PPARG: variants seen among roughly 807,000 people sequenced by gnomAD.
PPARG encodes the protein peroxisome proliferator activated receptor gamma, also known as peroxisome proliferator-activated receptor gamma.
A neutral mutation model predicts 39.2 loss-of-function variants in PPARG; 17 were observed. That is an observed-to-expected ratio of 0.43 (90% CI 0.30 to 0.65). The LOEUF is 0.65. Among genes scored for constraint, PPARG ranks in the 30% least tolerant of loss-of-function variants. The pLI, the probability that PPARG is intolerant of heterozygous loss-of-function variation, is 0.13. For synonymous variants in PPARG, 223 were observed against 215.7 expected, an observed-to-expected ratio of 1.03 and a Z score of -0.30; for missense variants, 406 against 585.9, an observed-to-expected ratio of 0.69 and a Z score of 3.17.
intron 5 of PPARG, among the ~76,000 whole-genome samples, chr3:12,400,690 T>G (rs1041628462): frequency 2.0e-5 from 3 of 152,232 alleles, no homozygotes; most frequent in Admixed American, 1.3e-4. Context: ...TGTAATTTTT[T>G]TTGAGCCTCA....
rs1302451905 is a variant in PPARG, at chr3:12,434,086, A to G, written c.1369A>G (p.Thr457Ala). Residue 457 changes from threonine (T) to alanine (A), a missense_variant, in exon 8 of 8, where the codon ACG becomes GCG. Transcript: ENST00000651735. This position sits in a 1 kb window ranked among gnomAD's most constrained non-coding sequence, Gnocchi z 4.2. ...GCAGCTACTGCAGGTGATCAAGAAG[A>G]CGGAGACAGACATGAGTCTTCACCC... ...HVQLLQVIKK[T>A]ETDMSLHPLL... 1 of 1,614,164 alleles carries G rather than the reference A, an allele frequency of 6.2e-7. No homozygotes were observed. Among genetic ancestry groups the G allele is most frequent in the Non-Finnish European group, 8.5e-7 (1 of 1,180,010 alleles).
intron 4 of PPARG, among the ~76,000 whole-genome samples, chr3:12,391,746 A>G (rs2125211660): frequency 6.6e-6 from 1 of 152,348 alleles, no homozygotes; most frequent in Non-Finnish European, 1.5e-5. Flanking sequence ...ATGCATGTCA[A>G]TGACCAAAGC....
chr3:12,380,459 T>A (rs1442694440), intron 3 of PPARG, among the ~76,000 whole-genome samples: 1 of 152,184 alleles, frequency 6.6e-6, no homozygotes, highest in Admixed American at 6.5e-5. Context: ...ATTAACTAAA[T>A]CAACATCAAA....
chr3:12,297,285 T>G lies in PPARG; in HGVS notation c.-83+8151T>G, dbSNP rs2046811121. ...AGTAGGATAAAAAATGTGTGTGAACTATTGATTGGAACCTTACAAAAATGT... is the reference window on the plus strand; with the variant it reads ...AGTAGGATAAAAAATGTGTGTGAACGATTGATTGGAACCTTACAAAAATGT... On this transcript the variant is annotated intron_variant, in intron 1 of 7. Transcript: ENST00000651735. Among the ~76,000 whole-genome samples, 3 of 152,164 alleles carry G rather than the reference T, an allele frequency of 2.0e-5. No homozygotes were observed. The East Asian group carries it at 5.8e-4, about 29-fold the overall frequency.
Position 12,390,726 on chromosome 3 carries a change from G to A in PPARG, c.391-1888G>A, listed in dbSNP as rs932132915. ...TGCAATCATAACTTGGCTTACTGCA[G>A]TTAGACCTCCTGGGCTCATGTGATC... On this transcript the variant is annotated intron_variant, in intron 4 of 7. Transcript: ENST00000651735. 2.2e-5 allele frequency among the ~76,000 whole-genome samples: 3 copies of A among 139,512 alleles called. No homozygotes were observed. In the East Asian group the frequency reaches 6.5e-4, roughly 30 times the overall value. 91.5% of individuals were successfully genotyped at this position (139,512 alleles called of 152,430 possible). A position where few individuals can be genotyped will look rare whatever the true frequency, so the allele number is the denominator to read the frequency against.
chr3:12,351,648 A>T, intron 2 of PPARG: 1 of 1,611,092 alleles, frequency 6.2e-7, no homozygotes, highest in Non-Finnish European at 8.5e-7. Context: ...TCCTTCACTG[A>T]TACACTGTCT....
chr3:12,366,494 T>C (rs2049022381), intron 2 of PPARG, among the ~76,000 whole-genome samples: 1 of 152,268 alleles, frequency 6.6e-6, no homozygotes, highest in Admixed American at 6.5e-5. Context: ...AAAGCAGTAG[T>C]GAGAGAAGAT....
At chr3:12,393,305 GT>G (rs2050146877) in intron 5 of PPARG, among the ~76,000 whole-genome samples, 1 of 144,354 alleles carries the variant, frequency 6.9e-6, no homozygotes, top group Admixed American at 7.2e-5. Context: ...TATTTTTATA[GT>G]TCTGCAAAAC....
chr3:12,341,904 T>C (rs2048194101), intron 2 of PPARG, among the ~76,000 whole-genome samples: 1 of 152,170 alleles, frequency 6.6e-6, no homozygotes, highest in Admixed American at 6.5e-5. Context: ...CAGGAAAAGA[T>C]GATAAAGTTT....
intron 5 of PPARG, among the ~76,000 whole-genome samples, chr3:12,393,584 T>C (rs577918366): frequency 6.6e-6 from 1 of 152,312 alleles, no homozygotes; most frequent in East Asian, 1.9e-4. Flanking sequence ...GTATTATATG[T>C]GTCTAGTATT....
intron 7 of PPARG, among the ~76,000 whole-genome samples, chr3:12,428,510 G>A (rs1258397003): frequency 1.3e-5 from 2 of 152,236 alleles, no homozygotes; most frequent in Non-Finnish European, 2.9e-5. Context: ...ATCTCAGGTG[G>A]GCCTCCTGGC....
At chr3:12,332,929 G>A (rs759364393) in intron 2 of PPARG, among the ~76,000 whole-genome samples, 6 of 152,168 alleles carry the variant, frequency 3.9e-5, no homozygotes, top group Non-Finnish European at 8.8e-5. Context: ...AGCTACTTGG[G>A]AGGCTGAGGG....
At chr3:12,305,959 G>A (rs2047052254) in intron 1 of PPARG, 1 of 152,154 alleles carries the variant, frequency 6.6e-6, no homozygotes. Context: ...AGCTCTTGAT[G>A]GTAATAATTA....
At chr3:12,368,793 T>A (rs1354828992) in intron 2 of PPARG, among the ~76,000 whole-genome samples, 1 of 152,208 alleles carries the variant, frequency 6.6e-6, no homozygotes. Flanking sequence ...AGAAGTGAGT[T>A]GGTAGAATTT....
At position 12,344,853 on chromosome 3, in the gene PPARG, A is replaced by G. The variant is rs1016931281; in HGVS notation, c.-9+32400A>G. 1.2e-4 allele frequency: 18 copies of G among 152,330 alleles called. No homozygotes were observed. The East Asian group carries it at 3.5e-3, about 29-fold the overall frequency. The allele number at this position is 152,330 out of a possible 1,614,324, so 9.4% of individuals were successfully genotyped here. A position where few individuals can be genotyped will look rare whatever the true frequency, so the allele number is the denominator to read the frequency against. ...CTCTAATTCTCACAACTCCGAAAAG[A>G]TAAGAAAACAGAGATGTGACAAGGC... On this transcript the variant is annotated intron_variant, in intron 2 of 7. Coordinates refer to ENST00000651735, the MANE Select transcript of PPARG (RefSeq NM_138711.6).
chr3:12,314,143 G>T (rs550392155), intron 2 of PPARG, among the ~76,000 whole-genome samples: 1 of 152,290 alleles, frequency 6.6e-6, no homozygotes, highest in African/African-American at 2.4e-5. Flanking sequence ...TGGGTGTGAT[G>T]GCGGATGCCC....
chr3:12,392,561 G>A, intron 4 of PPARG, 53 bp from the exon 5 acceptor site: 1 of 1,603,846 alleles, frequency 6.2e-7, no homozygotes, highest in Admixed American at 1.7e-5. Flanking sequence ...GTAGGTTGCT[G>A]CTTCCATGTG....
chr3:12,297,928 G>A (rs2046828856), intron 1 of PPARG: 1 of 152,092 alleles, frequency 6.6e-6, no homozygotes, highest in Admixed American at 6.6e-5. Flanking sequence ...AGCTGATGCA[G>A]ATGCACAGAA....
chr3:12,401,503 A>G (rs1236560379), intron 5 of PPARG, among the ~76,000 whole-genome samples: 2 of 152,178 alleles, frequency 1.3e-5, no homozygotes, highest in African/African-American at 4.8e-5. Flanking sequence ...GCCTCCTCTC[A>G]TCACCTCACG....
Sources: allele counts gnomAD v4.1 joint callset (sites outside exome capture counted in the v4.1 genomes callset), GRCh38; gene constraint gnomAD v4.1.1; non-coding constraint Gnocchi (gnomAD v3.1); transcripts MANE v1.5; gene names NCBI Gene and HGNC (gene_info 2026-07-23, HGNC 2026-07-21).